Variants in ERAP1 observed in about 807,000 individuals in gnomAD.
ERAP1 encodes endoplasmic reticulum aminopeptidase 1, also known as adipocyte-derived leucine aminopeptidase.
A neutral mutation model predicts 103.7 loss-of-function variants in ERAP1; 86 were observed. The ratio of observed to expected loss-of-function variants is 0.83; its 90% CI spans 0.70 to 0.99. The LOEUF is 0.99. Among genes scored for constraint, ERAP1 ranks in the 50% least tolerant of loss-of-function variants. The probability of loss-of-function intolerance (pLI) is 0.00; values close to 1 mark genes in which losing one functional copy is unlikely to be tolerated. For missense variants in ERAP1, 1,009 were observed against 1,128.4 expected, an observed-to-expected ratio of 0.89 and a Z score of 1.52; for synonymous variants, 398 against 402.4, an observed-to-expected ratio of 0.99 and a Z score of 0.13.
At chr5:96,895,453 A>C in the ERAP1 span, 1 of 905,770 alleles carries the variant, frequency 1.1e-6, no homozygotes, top group South Asian at 1.5e-5. Flanking sequence ...GAAAAACTAC[A>C]TAATGTTGTG....
the ERAP1 span, among the ~76,000 whole-genome samples, chr5:96,932,769 T>C: frequency 6.6e-6 from 1 of 152,220 alleles, no homozygotes; most frequent in African/African-American, 2.4e-5. Context: ...TTTAAACAAA[T>C]GCAATTTGTT....
At chr5:96,856,000 T>A in the ERAP1 span, among the ~76,000 whole-genome samples, 85 of 152,130 alleles carry the variant, frequency 5.6e-4, no homozygotes, top group Non-Finnish European at 9.7e-4. Context: ...TTTAGTCACA[T>A]GCAATAGTCG....
At chr5:96,764,349 A>G (rs1487284807) in intron 19 of ERAP1, among the ~76,000 whole-genome samples, 3 of 152,224 alleles carry the variant, frequency 2.0e-5, no homozygotes, top group African/African-American at 7.2e-5. Flanking sequence ...AAAGGGGTTA[A>G]ATAAGCTGCC....
At chr5:96,898,882 T>C in the ERAP1 span, among the ~76,000 whole-genome samples, 1 of 152,240 alleles carries the variant, frequency 6.6e-6, no homozygotes, top group Non-Finnish European at 1.5e-5. Flanking sequence ...GTGTTGCTTC[T>C]GTCTCTCATC....
the ERAP1 span, among the ~76,000 whole-genome samples, chr5:96,912,127 C>T: frequency 6.8e-6 from 1 of 147,884 alleles, no homozygotes; most frequent in East Asian, 2.0e-4. Context: ...GGGGGCGGAG[C>T]CTGCAGTGAG....
the ERAP1 span, among the ~76,000 whole-genome samples, chr5:96,842,504 C>T: frequency 2.0e-5 from 3 of 152,092 alleles, no homozygotes; most frequent in African/African-American, 7.2e-5. Context: ...GGTGGTATTG[C>T]ATTGTGGTTT....
chr5:96,769,498 A>C (rs1442915899), downstream of ERAP1: 1 of 151,808 alleles, frequency 6.6e-6, no homozygotes, highest in African/African-American at 2.4e-5. Flanking sequence ...TGAGGTTTAC[A>C]ACATGGTAGT....
chr5:96,833,140 G>A, the ERAP1 span, among the ~76,000 whole-genome samples: 1 of 152,146 alleles, frequency 6.6e-6, no homozygotes, highest in Non-Finnish European at 1.5e-5. Context: ...CCCAAAATAC[G>A]CTACTTTGTT....
the ERAP1 span, among the ~76,000 whole-genome samples, chr5:96,839,794 C>T: frequency 3.9e-5 from 6 of 152,200 alleles, no homozygotes; most frequent in African/African-American, 1.4e-4. Context: ...CTGAAACAAT[C>T]TCTACCCTCA....
At position 96,797,169 on chromosome 5, in the gene ERAP1, G is replaced by A; in HGVS notation, c.798+6C>T. On this transcript the variant is annotated splice_donor_region_variant and intron_variant, in intron 4 of 18. Transcript: ENST00000443439. ...TGGTCACCATATGTGACAGTCATAG[G>A]CTCACCTTGACTCCACTCTTGGTTA... The A allele has an allele frequency of 6.2e-7, 1 of 1,613,942 alleles. No individual in the cohort carries two copies. Among genetic ancestry groups the A allele is most frequent in the Non-Finnish European group, 8.5e-7 (1 of 1,179,960 alleles).
At chr5:96,875,549 A>G in the ERAP1 span, among the ~76,000 whole-genome samples, 2 of 144,964 alleles carry the variant, frequency 1.4e-5, no homozygotes, top group African/African-American at 5.1e-5. Flanking sequence ...AAAAAAAAAA[A>G]GAAAAGAAAA....
intron 3 of ERAP1, among the ~76,000 whole-genome samples, chr5:96,800,106 C>T (rs1378416714): frequency 2.0e-5 from 3 of 152,216 alleles, no homozygotes; most frequent in Non-Finnish European, 4.4e-5. Flanking sequence ...GTGAGTTTCT[C>T]TGAACAAAGG....
chr5:96,845,090 A>G, the ERAP1 span, among the ~76,000 whole-genome samples: 1 of 152,110 alleles, frequency 6.6e-6, no homozygotes, highest in African/African-American at 2.4e-5. Context: ...TACTGGGGGG[A>G]AAACCAAGTT....
chr5:96,919,885 C>A, the ERAP1 span, among the ~76,000 whole-genome samples: 3 of 152,286 alleles, frequency 2.0e-5, no homozygotes, highest in Admixed American at 2.0e-4. Context: ...CTTCTCTGGG[C>A]CTCCCCCATT....
chr5:96,889,831 T>TACACAC, the ERAP1 span, among the ~76,000 whole-genome samples: 28 of 148,756 alleles, frequency 1.9e-4, no homozygotes, highest in African/African-American at 3.2e-4. Flanking sequence ...AAAAAATACA[T>TACACAC]ACACACACAC....
chr5:96,831,759 G>T, the ERAP1 span, among the ~76,000 whole-genome samples: 1 of 152,136 alleles, frequency 6.6e-6, no homozygotes, highest in East Asian at 1.9e-4. Context: ...GCTTAGCAGG[G>T]GTAGAAGCAA....
At chr5:96,826,491 G>T in the ERAP1 span, among the ~76,000 whole-genome samples, 7,305 of 152,234 alleles carry the variant, frequency 0.048, 235 homozygotes, top group South Asian at 0.11. Flanking sequence ...AACTCTTAGG[G>T]ATCTTCTCCC....
the ERAP1 span, among the ~76,000 whole-genome samples, chr5:96,905,655 A>G: frequency 6.6e-6 from 1 of 152,162 alleles, no homozygotes; most frequent in African/African-American, 2.4e-5. Context: ...AGGCTGAAGC[A>G]GGCAGATCAC....
intron 10 of ERAP1, among the ~76,000 whole-genome samples, chr5:96,789,651 C>T (rs1385490336): frequency 6.6e-6 from 1 of 152,222 alleles, no homozygotes; most frequent in African/African-American, 2.4e-5. Context: ...TCAGCTTCCT[C>T]TGAAAACATC....
Sources: gnomAD v4.1 joint callset for allele counts (sites outside exome capture counted in the v4.1 genomes callset) on GRCh38, gnomAD v4.1.1 for gene constraint, MANE v1.5 for transcripts, NCBI Gene and HGNC (gene_info 2026-07-23, HGNC 2026-07-21) for gene names.